Variants in KANK1 observed in about 807,000 individuals in gnomAD.
KANK1 encodes KN motif and ankyrin repeat domains 1, also known as KN motif and ankyrin repeat domain-containing protein 1.
KANK1 carries 109 observed loss-of-function variants against 106.2 expected under a neutral mutation model. The ratio of observed to expected loss-of-function variants is 1.03; its 90% CI spans 0.88 to 1.20. KANK1 has a LOEUF of 1.20. Ranked by LOEUF, KANK1 falls within the 50% of genes most tolerant of loss-of-function variation. The pLI, the probability that KANK1 is intolerant of heterozygous loss-of-function variation, is 0.00. For synonymous variants in KANK1, 873 were observed against 652.2 expected (o/e 1.34, Z -5.16); for missense variants, 2,399 against 1,710.7 (o/e 1.40, Z -7.10).
In KANK1 at chr9:601,802, C is replaced by G. The variant is rs76072629; in HGVS notation, c.-83-75088C>G. Reference sequence around the variant, plus strand: ...TCACATTATGGCATCCCCTGATGCTCTAGGCTAATCTTGTATTTTCCTTGC... The same window carrying G: ...TCACATTATGGCATCCCCTGATGCTGTAGGCTAATCTTGTATTTTCCTTGC... On this transcript the variant is annotated intron_variant, in intron 1 of 11. Transcript: ENST00000382297. Among the ~76,000 whole-genome samples, 182 of 151,974 alleles carry G rather than the reference C, an allele frequency of 1.2e-3. 10 individuals carry two copies. The highest frequency in any genetic ancestry group is 4.1e-3 in the African/African-American group (169 of 41,256).
chr9:594,372 C>A (rs1232740585), intron 1 of KANK1, among the ~76,000 whole-genome samples: 3 of 151,830 alleles, frequency 2.0e-5, no homozygotes, highest in African/African-American at 7.3e-5. Context: ...TTGAGAATAA[C>A]TCGTTCTTCA....
intron 2 of KANK1, among the ~76,000 whole-genome samples, chr9:703,993 C>T (rs1823366836): frequency 6.6e-6 from 1 of 152,176 alleles, no homozygotes; most frequent in African/African-American, 2.4e-5. Context: ...GGATTACAGG[C>T]GTGAGCCACT....
At chr9:732,298 C>T in intron 5 of KANK1, 80 bp from the exon 6 acceptor site, 1 of 1,504,064 alleles carries the variant, frequency 6.6e-7, no homozygotes, top group Non-Finnish European at 8.9e-7. Context: ...AGTCAATTAG[C>T]AAATCCCTTC....
At position 740,795 on chromosome 9, in the gene KANK1, T is replaced by G; in HGVS notation, c.3557T>G (p.Val1186Gly). 6.2e-7 allele frequency: 1 copy of G among 1,604,226 alleles called. No homozygotes were observed. The stretch of plus-strand genomic sequence containing the variant: ...TTTTTTTTTTTTTTTTTTACAGATG[T>G]GTGTAATGTGGATCACCAGAACAAG... The part of the protein sequence containing the change: ...EIVKLLLDAD[V>G]CNVDHQNKAG... The change falls in exon 9 of 12, where the codon GTG (valine) becomes GGG (glycine). Residue 1186 changes from valine to glycine, a missense_variant. Physicochemically the swap from Val to Gly is moderately radical, Grantham distance 109. Coordinates refer to ENST00000382297, the MANE Select transcript of KANK1 (RefSeq NM_015158.5).
At chr9:543,099 C>T (rs2060707855) in intron 1 of KANK1, among the ~76,000 whole-genome samples, 1 of 152,118 alleles carries the variant, frequency 6.6e-6, no homozygotes, top group Non-Finnish European at 1.5e-5. Context: ...GGTCTATGTA[C>T]ATCAAACCAT....
intron 1 of KANK1, among the ~76,000 whole-genome samples, chr9:626,702 C>G (rs969405284): frequency 2.6e-5 from 4 of 152,186 alleles, no homozygotes; most frequent in African/African-American, 9.7e-5. Context: ...AAACAAAAAA[C>G]AAAACCCACC....
intron 1 of KANK1, among the ~76,000 whole-genome samples, chr9:612,533 C>G (rs1371694847): frequency 6.6e-6 from 1 of 152,058 alleles, no homozygotes; most frequent in Non-Finnish European, 1.5e-5. Flanking sequence ...AGTTTATGTT[C>G]TGCCTTTTAG....
intron 1 of KANK1, among the ~76,000 whole-genome samples, chr9:612,349 C>T (rs1412227625): frequency 2.0e-5 from 3 of 152,120 alleles, no homozygotes; most frequent in Non-Finnish European, 4.4e-5. Flanking sequence ...GTGATGCACT[C>T]TGACTGGGTG....
In KANK1 at chr9:711,474, G is replaced by T; in HGVS notation, c.708G>T (p.Gly236=). ...CTGCTCCCACCACTTCCTCCATGGG[G>T]AGCTCCATCCGCCACAGCCCCCTGA... ...APAAPTTSSM[G]SSIRHSPLSS... The change falls in exon 3 of 12, where the codon GGG becomes GGT. Residue 236 remains glycine, a synonymous_variant. Transcript: ENST00000382297. 1 of 1,614,124 alleles carries T rather than the reference G, an allele frequency of 6.2e-7. No homozygotes were observed. Among genetic ancestry groups the T allele is most frequent in the South Asian group, 1.1e-5 (1 of 91,070 alleles).
chr9:732,307 T>C (rs1193675287), intron 5 of KANK1, 71 bp from the exon 6 acceptor site: 7 of 1,528,708 alleles, frequency 4.6e-6, no homozygotes, highest in Non-Finnish European at 6.2e-6. Flanking sequence ...GCAAATCCCT[T>C]CATAGAAATT....
intron 1 of KANK1, among the ~76,000 whole-genome samples, chr9:580,952 G>A (rs1050026179): frequency 1.2e-4 from 19 of 152,188 alleles, no homozygotes; most frequent in African/African-American, 2.9e-4. Context: ...GAATTGGAGC[G>A]CAGCGCTGGC....
intron 1 of KANK1, among the ~76,000 whole-genome samples, chr9:599,584 G>A (rs537322148): frequency 2.6e-5 from 4 of 151,736 alleles, no homozygotes. Flanking sequence ...TCTCTTAAAT[G>A]CTGCAGAGTA....
chr9:502,608 C>T (rs2058576768), upstream of KANK1, among the ~76,000 whole-genome samples: 1 of 151,732 alleles, frequency 6.6e-6, no homozygotes, highest in African/African-American at 2.4e-5. Context: ...ACTGCAACCT[C>T]AGCTTCCCGG....
intron 1 of KANK1, among the ~76,000 whole-genome samples, chr9:610,992 C>T (rs1830422812): frequency 6.6e-6 from 1 of 152,146 alleles, no homozygotes; most frequent in Non-Finnish European, 1.5e-5. Flanking sequence ...TTTTTGAATT[C>T]TTTGTCTCTG....
chr9:597,872 G>A (rs773449896), intron 1 of KANK1, among the ~76,000 whole-genome samples: 4 of 151,334 alleles, frequency 2.6e-5, no homozygotes, highest in African/African-American at 4.9e-5. Flanking sequence ...CACCGTGTTG[G>A]CCAGGCTATC....
intron 1 of KANK1, among the ~76,000 whole-genome samples, chr9:622,493 G>T (rs932284362): frequency 6.6e-6 from 1 of 152,162 alleles, no homozygotes; most frequent in African/African-American, 2.4e-5. Flanking sequence ...ATACGCAATG[G>T]GGGAAAGGAC....
At position 590,969 on chromosome 9, in the gene KANK1, T is replaced by G. The variant is rs139166023; in HGVS notation, c.-83-85921T>G. 1.4e-4 allele frequency among the ~76,000 whole-genome samples: 21 copies of G among 151,938 alleles called. No individual in the cohort carries two copies. The East Asian group carries it at 4.1e-3, about 29-fold the overall frequency. On this transcript the variant is annotated intron_variant, in intron 1 of 11. Coordinates refer to ENST00000382297, the MANE Select transcript of KANK1 (RefSeq NM_015158.5). The stretch of plus-strand genomic sequence containing the variant: ...CATCACCAGTATGCGAGAGGTCTCT[T>G]TTCCCACACCCTTAACATTGGATAG...
At chr9:569,615 C>T (rs781646444) in intron 1 of KANK1, among the ~76,000 whole-genome samples, 21 of 152,196 alleles carry the variant, frequency 1.4e-4, no homozygotes, top group Middle Eastern at 6.8e-3. Context: ...TATAAATTAC[C>T]CAGTTTCAGG....
chr9:580,903 C>T (rs550563298), intron 1 of KANK1, among the ~76,000 whole-genome samples: 27 of 152,324 alleles, frequency 1.8e-4, no homozygotes, highest in African/African-American at 5.3e-4. Flanking sequence ...CTGCAGGTCC[C>T]GAGCCTTGCC....
Sources: allele counts gnomAD v4.1 joint callset (sites outside exome capture counted in the v4.1 genomes callset), GRCh38; gene constraint gnomAD v4.1.1; transcripts MANE v1.5; gene names NCBI Gene and HGNC (gene_info 2026-07-23, HGNC 2026-07-21).